MACROD2: variants seen among roughly 807,000 people sequenced by gnomAD.
The protein encoded by MACROD2 is mono-ADP ribosylhydrolase 2.
MACROD2 carries 36 observed loss-of-function variants against 70.4 expected under a neutral mutation model. The observed-to-expected ratio is 0.51, with a 90% CI of 0.39 to 0.68. The LOEUF is 0.68. Ranked by LOEUF, MACROD2 falls within the 30% of genes least tolerant of loss-of-function variation. MACROD2 has a pLI of 0.00. For missense variants in MACROD2, 496 were observed against 538.4 expected (o/e 0.92, Z 0.78); for synonymous variants, 172 against 178.8 (o/e 0.96, Z 0.30).
At chr20:15,758,731 T>C (rs1368844479) in intron 8 of MACROD2, among the ~76,000 whole-genome samples, 1 of 151,518 alleles carries the variant, frequency 6.6e-6, no homozygotes, top group East Asian at 2.0e-4. Flanking sequence ...TTTGTAGGGA[T>C]GGTGTCTCAC....
At chr20:14,611,439 G>A (rs1983152342) in intron 4 of MACROD2, among the ~76,000 whole-genome samples, 1 of 147,524 alleles carries the variant, frequency 6.8e-6, no homozygotes, top group Non-Finnish European at 1.5e-5. Flanking sequence ...TCAGAGATCA[G>A]CAATGCCCTG....
intron 3 of MACROD2, among the ~76,000 whole-genome samples, chr20:14,463,500 C>T (rs564999608): frequency 6.6e-6 from 1 of 152,206 alleles, no homozygotes; most frequent in Admixed American, 6.5e-5. Context: ...ACTTGACTTC[C>T]TCTTTTCCTA....
At chr20:15,688,506 T>C (rs764656078) in intron 8 of MACROD2, among the ~76,000 whole-genome samples, 8 of 152,164 alleles carry the variant, frequency 5.3e-5, no homozygotes, top group Non-Finnish European at 5.9e-5. Context: ...TAGGAAAAAG[T>C]GAAGAATGTG....
intron 2 of MACROD2, among the ~76,000 whole-genome samples, chr20:14,020,687 G>C (rs1177486572): frequency 6.6e-6 from 1 of 152,134 alleles, no homozygotes; most frequent in Non-Finnish European, 1.5e-5. Context: ...CTTGTTGAAG[G>C]CTGTAGTAGT....
intron 5 of MACROD2, among the ~76,000 whole-genome samples, chr20:15,052,861 A>G (rs1407572816): frequency 6.6e-6 from 1 of 152,262 alleles, no homozygotes; most frequent in Non-Finnish European, 1.5e-5. Flanking sequence ...TTGTAAATGC[A>G]AAGGAAAAGT....
At chr20:14,747,616 T>C (rs184334063) in intron 5 of MACROD2, among the ~76,000 whole-genome samples, 1 of 152,214 alleles carries the variant, frequency 6.6e-6, no homozygotes, top group African/African-American at 2.4e-5. Context: ...AAATAGCTCA[T>C]TTTTTCTGCC....
At chr20:15,885,704 C>G in intron 9 of MACROD2, 60 bp from the exon 10 acceptor site, 7 of 1,380,336 alleles carry the variant, frequency 5.1e-6, no homozygotes, top group Non-Finnish European at 6.7e-6. Context: ...CCATCTGGAA[C>G]ATTCTTGTGT....
intron 8 of MACROD2, among the ~76,000 whole-genome samples, chr20:15,694,682 C>G (rs953721446): frequency 6.6e-6 from 1 of 152,158 alleles, no homozygotes; most frequent in East Asian, 1.9e-4. Context: ...GTTTACTCTG[C>G]TGACTGTTCC....
intron 8 of MACROD2, among the ~76,000 whole-genome samples, chr20:15,549,467 T>C (rs1013891671): frequency 6.6e-6 from 1 of 152,244 alleles, no homozygotes; most frequent in African/African-American, 2.4e-5. Context: ...TCAATCTATA[T>C]ACTCCTAGTT....
At chr20:15,250,975 T>A (rs957372136) in intron 6 of MACROD2, among the ~76,000 whole-genome samples, 1 of 152,202 alleles carries the variant, frequency 6.6e-6, no homozygotes, top group African/African-American at 2.4e-5. Context: ...CATGTTTGCA[T>A]CAAGACCTGA....
At chr20:15,648,589 A>G (rs1216454239) in intron 8 of MACROD2, among the ~76,000 whole-genome samples, 1 of 152,218 alleles carries the variant, frequency 6.6e-6, no homozygotes, top group Non-Finnish European at 1.5e-5. Context: ...ATAGTGTAAC[A>G]TTAGGGACTT....
intron 3 of MACROD2, among the ~76,000 whole-genome samples, chr20:14,294,058 A>C (rs973499859): frequency 6.6e-6 from 1 of 151,818 alleles, no homozygotes; most frequent in African/African-American, 2.4e-5. Context: ...ATTAATGAGG[A>C]AAGTTAGATA....
At chr20:14,962,979 T>G (rs1185095661) in intron 5 of MACROD2, among the ~76,000 whole-genome samples, 1 of 152,182 alleles carries the variant, frequency 6.6e-6, no homozygotes, top group Non-Finnish European at 1.5e-5. Context: ...CGGAGATGAT[T>G]AGCATGCCAG....
intron 5 of MACROD2, among the ~76,000 whole-genome samples, chr20:14,800,021 A>G (rs556032098): frequency 6.6e-6 from 1 of 152,126 alleles, no homozygotes; most frequent in East Asian, 1.9e-4. Flanking sequence ...TTAGAATTGT[A>G]CTCAGTCAAG....
chr20:16,034,274 G>A (rs1303141047), intron 15 of MACROD2, among the ~76,000 whole-genome samples: 1 of 151,962 alleles, frequency 6.6e-6, no homozygotes, highest in Admixed American at 6.6e-5. Flanking sequence ...CATCATTACG[G>A]TATAGTGTAC....
At chr20:15,007,396 A>G (rs1433228421) in intron 5 of MACROD2, among the ~76,000 whole-genome samples, 1 of 151,918 alleles carries the variant, frequency 6.6e-6, no homozygotes, top group Non-Finnish European at 1.5e-5. Flanking sequence ...AAAACACAAA[A>G]AAGCCCAGGA....
At chr20:15,079,508 T>G (rs2075686242) in intron 5 of MACROD2, among the ~76,000 whole-genome samples, 1 of 152,122 alleles carries the variant, frequency 6.6e-6, no homozygotes, top group Non-Finnish European at 1.5e-5. Flanking sequence ...TTGCAGCTCC[T>G]TCCCTGAATC....
At chr20:14,138,497 G>A (rs983449946) in intron 3 of MACROD2, among the ~76,000 whole-genome samples, 1 of 152,026 alleles carries the variant, frequency 6.6e-6, no homozygotes, top group Non-Finnish European at 1.5e-5. Context: ...AGTAATTTAG[G>A]CACATAAGGA....
intron 10 of MACROD2, among the ~76,000 whole-genome samples, chr20:15,896,103 A>G (rs143647839): frequency 5.9e-4 from 90 of 152,310 alleles, no homozygotes; most frequent in African/African-American, 2.1e-3. Context: ...TTTAATGCTG[A>G]TCATTACTCT....
Sources: allele counts gnomAD v4.1 joint callset (sites outside exome capture counted in the v4.1 genomes callset), GRCh38; gene constraint gnomAD v4.1.1; transcripts MANE v1.5; gene names NCBI Gene and HGNC (gene_info 2026-07-23, HGNC 2026-07-21).